Variants in ANK2 observed in about 807,000 individuals in gnomAD.
ANK2 encodes the protein ankyrin 2.
A neutral mutation model predicts 360.5 loss-of-function variants in ANK2; 83 were observed. That is an observed-to-expected ratio of 0.23 (90% CI 0.19 to 0.28). The LOEUF is 0.28. Ranked by LOEUF, ANK2 falls within the 10% of genes least tolerant of loss-of-function variation. The probability of loss-of-function intolerance (pLI) is 1.00; values close to 1 mark genes in which losing one functional copy is unlikely to be tolerated. For missense variants in ANK2, 4,201 were observed against 4,795.7 expected (o/e 0.88, Z 3.66); for synonymous variants, 1,740 against 1,759.5 (o/e 0.99, Z 0.28).
intron 14 of ANK2, among the ~76,000 whole-genome samples, chr4:113,266,201 G>A (rs551908566): frequency 2.0e-4 from 31 of 152,114 alleles, no homozygotes; most frequent in Non-Finnish European, 3.2e-4. Context: ...GTGAGAACAT[G>A]CAGTGTTTGG....
chr4:113,064,029 T>A (rs370091669), intron 1 of ANK2, among the ~76,000 whole-genome samples: 1 of 152,152 alleles, frequency 6.6e-6, no homozygotes. Flanking sequence ...AAGACATTTT[T>A]TTGTTGTTGT....
chr4:112,718,992 C>T, the ANK2 span, among the ~76,000 whole-genome samples: 1 of 152,238 alleles, frequency 6.6e-6, no homozygotes, highest in African/African-American at 2.4e-5. Flanking sequence ...TTTCTTCCTT[C>T]CTGAAGCTCT....
rs1353488974 is a variant in ANK2, at chr4:113,295,734, A to G, written c.2475+2196A>G. Among the ~76,000 whole-genome samples, 5 of 152,336 alleles carry G rather than the reference A, an allele frequency of 3.3e-5. No individual in the cohort carries two copies. In the East Asian group the frequency reaches 7.7e-4, roughly 23 times the overall value. ...CTTTCAGTTAGGACACTAAGAAATCATTGTCCACATGAGCTAAACAAGTAT... is the reference window on the plus strand; with the variant it reads ...CTTTCAGTTAGGACACTAAGAAATCGTTGTCCACATGAGCTAAACAAGTAT... On this transcript the variant is annotated intron_variant, in intron 22 of 45. Transcript: ENST00000357077.
At chr4:112,794,947 G>C in the ANK2 span, among the ~76,000 whole-genome samples, 1 of 152,308 alleles carries the variant, frequency 6.6e-6, no homozygotes, top group East Asian at 1.9e-4. Flanking sequence ...TTGTCTCCTA[G>C]TCCAAAGATG....
At chr4:112,855,488 T>C (rs1055247848) in intron 1 of ANK2, among the ~76,000 whole-genome samples, 3 of 152,224 alleles carry the variant, frequency 2.0e-5, no homozygotes, top group Admixed American at 6.5e-5. Context: ...ACCTCCTCAA[T>C]TGGCCCTATA....
At chr4:112,815,696 T>C (rs1287503338), upstream of ANK2, among the ~76,000 whole-genome samples, 2 of 152,196 alleles carry the variant, frequency 1.3e-5, no homozygotes, top group Admixed American at 1.3e-4. Context: ...CAGTCTCCAA[T>C]GGCCAAAGAT....
Position 113,354,157 on chromosome 4 carries a change from C to T in ANK2, c.5539C>T (p.Pro1847Ser), listed in dbSNP as rs1406342886. 1.9e-6 allele frequency: 3 copies of T among 1,614,022 alleles called. No homozygotes were observed. Among genetic ancestry groups the T allele is most frequent in the African/African-American group, 2.7e-5 (2 of 74,910 alleles). ...AKTERHPPVS[P>S]SSKTEKHSPV... ...AACTGAAAGGCACCCTCCAGTATCA[C>T]CATCAAGTAAAACTGAGAAACACTC... Residue 1847 changes from proline to serine, a missense_variant, in exon 38 of 46, where the codon CCA becomes TCA. By Grantham distance (74) the Pro-to-Ser change is moderately conservative (BLOSUM62 -1). Coordinates refer to ENST00000357077, the MANE Select transcript of ANK2 (RefSeq NM_001148.6).
intron 2 of ANK2, among the ~76,000 whole-genome samples, chr4:112,955,411 T>C (rs2095282521): frequency 6.6e-6 from 1 of 152,186 alleles, no homozygotes; most frequent in Non-Finnish European, 1.5e-5. Context: ...TTTGAGATTA[T>C]ATAGTCTAAA....
chr4:113,351,023 A>G (rs549362872), intron 37 of ANK2, among the ~76,000 whole-genome samples: 20 of 152,244 alleles, frequency 1.3e-4, no homozygotes, highest in African/African-American at 3.6e-4. Flanking sequence ...CTTAGAACTC[A>G]TTTCAGGTTT....
intron 1 of ANK2, among the ~76,000 whole-genome samples, chr4:113,136,626 T>C (rs2096426055): frequency 6.6e-6 from 1 of 151,996 alleles, no homozygotes; most frequent in South Asian, 2.1e-4. Flanking sequence ...GAGGTTGCAA[T>C]GAGCGCCACT....
rs777208773 is a variant in ANK2, at chr4:113,237,585, C to T, written c.670-14C>T. The T allele has an allele frequency of 6.2e-7, 1 of 1,607,072 alleles. No individual in the cohort carries two copies. Among genetic ancestry groups the T allele is most frequent in the Non-Finnish European group, 8.5e-7 (1 of 1,173,650 alleles). Reference sequence around the variant, plus strand: ...TAATATCTTCCCTCTTTCTTCCAAACAACACTGCTTCAGATGATGGTGAAT... The same window carrying T: ...TAATATCTTCCCTCTTTCTTCCAAATAACACTGCTTCAGATGATGGTGAAT... On this transcript the variant is annotated splice_polypyrimidine_tract_variant and intron_variant, in intron 6 of 45. Coordinates refer to ENST00000357077, the MANE Select transcript of ANK2 (RefSeq NM_001148.6).
chr4:113,257,919 A>T, intron 11 of ANK2, 131 bp from the exon 12 acceptor site: 1 of 934,086 alleles, frequency 1.1e-6, no homozygotes, highest in Non-Finnish European at 1.7e-6. Flanking sequence ...CCAAATTCCA[A>T]CACCTGCAGG....
upstream of ANK2, among the ~76,000 whole-genome samples, chr4:113,046,910 C>T (rs532952193): frequency 9.9e-5 from 15 of 152,240 alleles, no homozygotes; most frequent in Admixed American, 2.6e-4. Flanking sequence ...TGTTGAAATA[C>T]GAAGTATATT....
chr4:113,091,410 T>C (rs1239583573), intron 1 of ANK2, among the ~76,000 whole-genome samples: 2 of 152,216 alleles, frequency 1.3e-5, no homozygotes, highest in Non-Finnish European at 2.9e-5. Context: ...CTTTAAGAGA[T>C]GTGATATTTG....
chr4:113,344,181 C>T (rs1233745129), intron 34 of ANK2, among the ~76,000 whole-genome samples: 1 of 152,142 alleles, frequency 6.6e-6, no homozygotes, highest in African/African-American at 2.4e-5. Context: ...TAATGTTTGA[C>T]ATCATTGGTG....
intron 2 of ANK2, among the ~76,000 whole-genome samples, chr4:113,020,659 C>A (rs567515978): frequency 6.6e-6 from 1 of 152,000 alleles, no homozygotes; most frequent in African/African-American, 2.4e-5. Context: ...GAAACCCCGT[C>A]TCTACTAAAA....
chr4:112,946,455 G>A (rs1005722508), intron 2 of ANK2, among the ~76,000 whole-genome samples: 1 of 152,162 alleles, frequency 6.6e-6, no homozygotes, highest in African/African-American at 2.4e-5. Flanking sequence ...TGATTAAGGC[G>A]CAGACAGCTA....
intron 2 of ANK2, among the ~76,000 whole-genome samples, chr4:112,976,563 T>G (rs2041493821): frequency 6.6e-6 from 1 of 152,210 alleles, no homozygotes; most frequent in Admixed American, 6.5e-5. Context: ...GGAATAATTG[T>G]AGGGCTGTTT....
At chr4:113,025,476 G>A (rs533745976) in intron 2 of ANK2, among the ~76,000 whole-genome samples, 13 of 152,230 alleles carry the variant, frequency 8.5e-5, no homozygotes, top group East Asian at 1.9e-4. Context: ...ACAAATGTAC[G>A]TTTCTCTTTG....
Sources: gnomAD v4.1 joint callset for allele counts (sites outside exome capture counted in the v4.1 genomes callset) on GRCh38, gnomAD v4.1.1 for gene constraint, MANE v1.5 for transcripts, NCBI Gene and HGNC (gene_info 2026-07-23, HGNC 2026-07-21) for gene names.